Variants in ABCA12 observed in about 807,000 individuals in gnomAD.
The protein encoded by ABCA12 is ATP binding cassette subfamily A member 12.
In ABCA12, 156 loss-of-function variants were observed where a neutral mutation model predicts 293.5. The ratio of observed to expected loss-of-function variants is 0.53; its 90% CI spans 0.47 to 0.61. The LOEUF (loss-of-function observed/expected upper bound fraction) is 0.61. Among genes scored for constraint, ABCA12 ranks in the 20% least tolerant of loss-of-function variants. The pLI is 0.00. For missense variants in ABCA12, 2,797 were observed against 3,090.2 expected (o/e 0.91, Z 2.25); for synonymous variants, 1,063 against 1,108.0 (o/e 0.96, Z 0.81).
intron 15 of ABCA12, 113 bp downstream of exon 15, chr2:215,015,377 C>A: frequency 8.7e-7 from 1 of 1,149,156 alleles, no homozygotes. Flanking sequence ...GCAATAATTC[C>A]AAAAGCCGAA....
intron 39 of ABCA12, among the ~76,000 whole-genome samples, chr2:214,966,537 A>G (rs1399593538): frequency 2.0e-5 from 3 of 152,248 alleles, no homozygotes; most frequent in Non-Finnish European, 4.4e-5. Context: ...TGTTTAGCCT[A>G]TAGACAAGCA....
chr2:215,112,333 ATTT>A (rs35532740), intron 1 of ABCA12, among the ~76,000 whole-genome samples: 1 of 126,698 alleles, frequency 7.9e-6, no homozygotes, highest in African/African-American at 2.9e-5. Flanking sequence ...ATAGTCAATG[ATTT>A]TTTTTTTTTT....
At chr2:214,965,719 A>C (rs1024776133) in intron 39 of ABCA12, among the ~76,000 whole-genome samples, 42 of 152,186 alleles carry the variant, frequency 2.8e-4, no homozygotes, top group African/African-American at 9.2e-4. Flanking sequence ...ATTAGTAAAA[A>C]GTCAAAAAGC....
At chr2:214,938,145 C>T (rs1698280617) in intron 50 of ABCA12, among the ~76,000 whole-genome samples, 1 of 151,662 alleles carries the variant, frequency 6.6e-6, no homozygotes. Context: ...GTGATGTTTC[C>T]CTCCCTGTGT....
intron 3 of ABCA12, among the ~76,000 whole-genome samples, chr2:215,057,731 T>C (rs1701447403): frequency 6.6e-6 from 1 of 152,068 alleles, no homozygotes; most frequent in Non-Finnish European, 1.5e-5. Flanking sequence ...TGACAAGCAC[T>C]GGATACTTGA....
intron 2 of ABCA12, among the ~76,000 whole-genome samples, chr2:215,071,617 TCC>T (rs1340403921): frequency 6.6e-6 from 1 of 152,166 alleles, no homozygotes; most frequent in Non-Finnish European, 1.5e-5. Context: ...GGACTCTATT[TCC>T]ACATCTCCCA....
At chr2:214,981,613 A>G (rs2105965339) in intron 30 of ABCA12, among the ~76,000 whole-genome samples, 1 of 152,240 alleles carries the variant, frequency 6.6e-6, no homozygotes, top group East Asian at 1.9e-4. Context: ...CTGGGAGAAA[A>G]ATCTTCAAAA....
chr2:215,081,580 GT>G, intron 2 of ABCA12, among the ~76,000 whole-genome samples: 1 of 151,768 alleles, frequency 6.6e-6, no homozygotes, highest in African/African-American at 2.4e-5. Flanking sequence ...TTTAGATTTA[GT>G]TTCCCCCCTA....
In ABCA12 at chr2:215,052,565, T is replaced by C. The variant is rs746890239; in HGVS notation, c.429A>G (p.Pro143=). ...TTCCGGGGATTTCCAAATCAGAACT[T>C]GGACTGGGAAATACTGTGGCTGTAA... ...HASLATVFPS[P]SSDLEIPGTY... Residue 143 remains proline, a synonymous_variant, in exon 5 of 53, where the codon CCA becomes CCG. Transcript: ENST00000272895. The C allele has an allele frequency of 2.5e-6, 4 of 1,612,302 alleles. No homozygotes were observed. The highest frequency in any genetic ancestry group is 3.4e-6 in the Non-Finnish European group (4 of 1,178,810).
At chr2:215,128,400 C>A (rs1251975964) in intron 1 of ABCA12, among the ~76,000 whole-genome samples, 2 of 152,194 alleles carry the variant, frequency 1.3e-5, no homozygotes, top group Non-Finnish European at 2.9e-5. Context: ...GTTTTCCAAG[C>A]TTTTAGAATT....
chr2:215,092,982 A>G (rs1702178164), intron 2 of ABCA12, among the ~76,000 whole-genome samples: 1 of 152,158 alleles, frequency 6.6e-6, no homozygotes, highest in Non-Finnish European at 1.5e-5. Flanking sequence ...TACTTCAGTC[A>G]AGCCCTTTCT....
intron 6 of ABCA12, among the ~76,000 whole-genome samples, chr2:215,049,244 C>T (rs1553538135): frequency 6.6e-6 from 1 of 152,104 alleles, no homozygotes; most frequent in Non-Finnish European, 1.5e-5. Context: ...AGATTTTACC[C>T]ATTATTCTAA....
chr2:215,037,165 C>A, intron 7 of ABCA12, 100 bp from the exon 8 acceptor site: 1 of 883,952 alleles, frequency 1.1e-6, no homozygotes, highest in Non-Finnish European at 1.8e-6. Context: ...ATAAATTATT[C>A]TTATAATATA....
intron 23 of ABCA12, among the ~76,000 whole-genome samples, chr2:214,995,641 T>C (rs774889767): frequency 5.3e-5 from 8 of 152,172 alleles, no homozygotes; most frequent in Non-Finnish European, 1.0e-4. Flanking sequence ...GGAGCGAGGC[T>C]GAGCAGGAGG....
chr2:214,987,890 T>G (rs1050963974), intron 26 of ABCA12, 97 bp from the exon 27 acceptor site: 27 of 1,477,020 alleles, frequency 1.8e-5, no homozygotes, highest in Non-Finnish European at 2.3e-5. Flanking sequence ...GTTTAGGAAG[T>G]AGTTTTATTT....
intron 13 of ABCA12, 148 bp downstream of exon 13, chr2:215,019,188 C>G: frequency 2.9e-6 from 2 of 687,416 alleles, no homozygotes; most frequent in East Asian, 2.7e-5. Context: ...GACAAGTAAC[C>G]ATATTTGAAT....
intron 27 of ABCA12, 85 bp downstream of exon 27, chr2:214,987,562 A>T: frequency 1.3e-6 from 2 of 1,505,048 alleles, no homozygotes; most frequent in Non-Finnish European, 1.8e-6. Flanking sequence ...TTTGCCATTT[A>T]GAAAAAAATA....
chr2:215,081,421 G>C (rs1364980022), intron 2 of ABCA12, among the ~76,000 whole-genome samples: 1 of 140,176 alleles, frequency 7.1e-6, no homozygotes, highest in Non-Finnish European at 1.5e-5. Context: ...CAGAGGTACA[G>C]TGAGCTGAGA....
chr2:215,063,294 C>T (rs1437020203), intron 3 of ABCA12, among the ~76,000 whole-genome samples: 1 of 151,916 alleles, frequency 6.6e-6, no homozygotes, highest in Non-Finnish European at 1.5e-5. Flanking sequence ...AATTTGGCAA[C>T]TAAATATCTA....
Sources: gnomAD v4.1 joint callset for allele counts (sites outside exome capture counted in the v4.1 genomes callset) on GRCh38, gnomAD v4.1.1 for gene constraint, MANE v1.5 for transcripts, NCBI Gene and HGNC (gene_info 2026-07-23, HGNC 2026-07-21) for gene names.